Variants in POLR2F observed in about 807,000 individuals in gnomAD.
The protein encoded by POLR2F is RNA polymerase II, I and III subunit F, also known as DNA-directed RNA polymerases I, II, and III subunit RPABC2.
POLR2F carries 12 observed loss-of-function variants against 22.7 expected under a neutral mutation model. That is an observed-to-expected ratio of 0.53 (90% CI 0.34 to 0.86). POLR2F has a LOEUF of 0.86. Among genes scored for constraint, POLR2F ranks in the 40% least tolerant of loss-of-function variants. The pLI is 0.02. For synonymous variants in POLR2F, 57 were observed against 66.0 expected (o/e 0.86, Z 0.66); for missense variants, 126 against 171.5 (o/e 0.73, Z 1.48).
intron 1 of POLR2F, among the ~76,000 whole-genome samples, chr22:38,001,051 G>A (rs1243662612): frequency 1.3e-5 from 2 of 152,086 alleles, no homozygotes; most frequent in East Asian, 1.9e-4. Flanking sequence ...AAGGAGTGGC[G>A]GCTGGCATGG....
chr22:37,988,208 T>G (rs1358609454), intron 1 of POLR2F: 1 of 145,650 alleles, frequency 6.9e-6, no homozygotes, highest in South Asian at 2.2e-4. Context: ...CAGGCGCCTG[T>G]AATCCCAGCT....
chr22:38,016,755 C>T lies in POLR2F; in HGVS notation c.121-9114C>T, dbSNP rs2084919188. On this transcript the variant is annotated intron_variant, in intron 1 of 2. Transcript: ENST00000333418. The surrounding 1 kb of genome is among the most constrained non-coding windows in gnomAD (Gnocchi z 4.4). ...GCGGGGGGAGGGGGCGGGAGGGGGC[C>T]GCCGTCAATGCCCGCATTGTCCCCG... Among the ~76,000 whole-genome samples the T allele has an allele frequency of 6.6e-6, 1 of 151,820 alleles. No individual in the cohort carries two copies. Among genetic ancestry groups the T allele is most frequent in the South Asian group, 2.1e-4 (1 of 4,816 alleles).
intron 4 of POLR2F, among the ~76,000 whole-genome samples, chr22:37,976,145 C>T (rs1183836717): frequency 6.6e-6 from 1 of 152,176 alleles, no homozygotes; most frequent in Non-Finnish European, 1.5e-5. Flanking sequence ...ATCGCTTAAA[C>T]CCAGGAGGCA....
At chr22:37,973,509 G>C, downstream of POLR2F, 1 of 1,604,424 alleles carries the variant, frequency 6.2e-7, no homozygotes. Context: ...GGCCGGGACA[G>C]TGTCGTATAT....
rs147083987 is a variant in POLR2F at position 37,956,921 on chromosome 22, G to A, written c.90+79G>A. On this transcript the variant is annotated intron_variant, in intron 2 of 4. Coordinates refer to ENST00000442738, the MANE Select transcript of POLR2F (RefSeq NM_021974.5). ...TGACAGGTGATGATTAGCTGAATGT[G>A]TCTGCCTTCTATTTGTGGTCAAGGC... The A allele has an allele frequency of 6.9e-4, 760 of 1,094,906 alleles. 4 individuals carry two copies. In the African/African-American group the frequency reaches 0.011, roughly 15 times the overall value. 67.8% of individuals were successfully genotyped at this position (1,094,906 alleles called of 1,614,324 possible).
chr22:37,969,924 T>C (rs1931994126), downstream of POLR2F, among the ~76,000 whole-genome samples: 1 of 152,158 alleles, frequency 6.6e-6, no homozygotes, highest in Admixed American at 6.5e-5. Flanking sequence ...GTAGTCTCCA[T>C]GCCACTGTGA....
exon 2 of POLR2F, chr22:38,026,011 G>A (rs555767244): frequency 1.3e-5 from 7 of 554,538 alleles, no homozygotes; most frequent in African/African-American, 3.8e-5. Context: ...TCTTCCCCTC[G>A]TGCACTTGGG....
chr22:38,027,961 A>C (rs919000281), downstream of POLR2F, among the ~76,000 whole-genome samples: 7 of 152,260 alleles, frequency 4.6e-5, 1 homozygote, highest in South Asian at 1.2e-3. Flanking sequence ...TCTAGGGAGG[A>C]AAACTGAGCT....
chr22:37,980,696 A>G lies in POLR2F; in HGVS notation c.293+13526A>G, dbSNP rs148483746. On this transcript the variant is annotated intron_variant, in intron 4 of 4. Transcript: ENST00000405557. The surrounding 1 kb of genome is among the most constrained non-coding windows in gnomAD (Gnocchi z 4.1). ...AGCTCTAACTCCAAACCCAGTCCTC[A>G]TCTGCACCTTCCTGTCAGCCCTCTT... is the stretch of plus-strand genomic sequence containing the variant. Among the ~76,000 whole-genome samples the G allele has an allele frequency of 1.3e-5, 2 of 152,250 alleles. No homozygotes were observed. The highest frequency in any genetic ancestry group is 4.8e-5 in the African/African-American group (2 of 41,550).
chr22:37,987,769 C>T (rs1052296466), intron 1 of POLR2F: 9 of 194,672 alleles, frequency 4.6e-5, no homozygotes, highest in African/African-American at 1.6e-4. Context: ...TGTGTGGATG[C>T]GACCTGGGGG....
intron 5 of POLR2F, among the ~76,000 whole-genome samples, chr22:38,034,408 CA>C (rs2085095074): frequency 6.6e-6 from 1 of 152,218 alleles, no homozygotes; most frequent in South Asian, 2.1e-4. Flanking sequence ...TGGCGGCAGG[CA>C]GGTCCCAACC....
downstream of POLR2F, among the ~76,000 whole-genome samples, chr22:38,030,882 T>G (rs2085058186): frequency 6.6e-6 from 1 of 152,156 alleles, no homozygotes; most frequent in Admixed American, 6.5e-5. Context: ...CCAGCTCAGT[T>G]GCTGGACAAA....
intron 1 of POLR2F, among the ~76,000 whole-genome samples, chr22:37,990,035 A>C (rs1229007640): frequency 5.9e-5 from 9 of 152,160 alleles, no homozygotes; most frequent in Admixed American, 5.9e-4. Flanking sequence ...CTTACTGAAC[A>C]GCCTGGAGGA....
intron 1 of POLR2F, among the ~76,000 whole-genome samples, chr22:38,022,604 C>T (rs2145822014): frequency 6.6e-6 from 1 of 150,924 alleles, no homozygotes; most frequent in South Asian, 2.1e-4. Context: ...TATTTAGTTC[C>T]TAAGTAAGAT....
At chr22:37,954,617 G>C (rs1422958543) in intron 1 of POLR2F, among the ~76,000 whole-genome samples, 11 of 152,178 alleles carry the variant, frequency 7.2e-5, no homozygotes, top group Non-Finnish European at 1.0e-4. Context: ...TAGTAATCTA[G>C]ATGAGAGAAG....
intron 4 of POLR2F, chr22:37,977,799 C>A: frequency 6.6e-7 from 1 of 1,515,916 alleles, no homozygotes; most frequent in Non-Finnish European, 9.0e-7. Context: ...GGTCTCATTG[C>A]CATCCAGCCA....
chr22:38,020,675 A>G (rs1011897147), intron 1 of POLR2F, among the ~76,000 whole-genome samples: 16 of 151,794 alleles, frequency 1.1e-4, no homozygotes, highest in African/African-American at 3.9e-4. Flanking sequence ...CCAGGGGATC[A>G]AGACTGCAGT....
chr22:37,977,494 T>G (rs1171893902), intron 4 of POLR2F, among the ~76,000 whole-genome samples: 1 of 151,866 alleles, frequency 6.6e-6, no homozygotes, highest in Admixed American at 6.5e-5. Flanking sequence ...CTAATTTTTT[T>G]TATTTTTAGT....
chr22:37,957,952 C>T (rs1288124679), intron 2 of POLR2F, among the ~76,000 whole-genome samples: 1 of 152,136 alleles, frequency 6.6e-6, no homozygotes, highest in Non-Finnish European at 1.5e-5. Context: ...AACAGAGTAT[C>T]CAGAGTGATC....
Sources: allele counts gnomAD v4.1 joint callset (sites outside exome capture counted in the v4.1 genomes callset), GRCh38; gene constraint gnomAD v4.1.1; non-coding constraint Gnocchi (gnomAD v3.1); transcripts MANE v1.5; gene names NCBI Gene and HGNC (gene_info 2026-07-23, HGNC 2026-07-21).